The following IGSF21 variants were observed in gnomAD, a reference collection of about 807,000 sequenced individuals.
The protein encoded by IGSF21 is immunoglobin superfamily member 21, also known as immunoglobulin superfamily member 21.
IGSF21 carries 28 observed loss-of-function variants against 46.8 expected under a neutral mutation model. The observed-to-expected ratio is 0.60, with a 90% confidence interval of 0.44 to 0.82. The LOEUF is 0.82. Among genes scored for constraint, IGSF21 ranks in the 40% least tolerant of loss-of-function variants. The pLI, the probability that IGSF21 is intolerant of heterozygous loss-of-function variation, is 0.00. For synonymous variants in IGSF21, 284 were observed against 273.6 expected, an observed-to-expected ratio of 1.04 and a Z score of -0.38; for missense variants, 624 against 665.5, an observed-to-expected ratio of 0.94 and a Z score of 0.69.
At chr1:18,299,230 G>A (rs1283190487) in intron 3 of IGSF21, among the ~76,000 whole-genome samples, 1 of 152,208 alleles carries the variant, frequency 6.6e-6, no homozygotes, top group African/African-American at 2.4e-5. Flanking sequence ...CACTCTATGG[G>A]CAGACAATGG....
intron 1 of IGSF21, among the ~76,000 whole-genome samples, chr1:18,159,356 C>T (rs890853978): frequency 1.6e-4 from 25 of 152,186 alleles, no homozygotes; most frequent in African/African-American, 5.8e-4. Flanking sequence ...CCCTTCACAG[C>T]TCCCTCTGCC....
intron 9 of IGSF21, among the ~76,000 whole-genome samples, chr1:18,378,048 C>T (rs1264863110): frequency 1.3e-5 from 2 of 152,200 alleles, no homozygotes; most frequent in African/African-American, 4.8e-5. Context: ...TCCTCATGGC[C>T]TCTAGGAAAT....
chr1:18,120,170 C>T (rs1247468925), intron 1 of IGSF21, among the ~76,000 whole-genome samples: 5 of 152,202 alleles, frequency 3.3e-5, no homozygotes, highest in South Asian at 4.1e-4. Context: ...TCTGGAAAAC[C>T]GCAGGGGATG....
At chr1:18,254,986 G>A (rs2084877096) in intron 2 of IGSF21, among the ~76,000 whole-genome samples, 1 of 152,182 alleles carries the variant, frequency 6.6e-6, no homozygotes, top group African/African-American at 2.4e-5. Flanking sequence ...GAGAATGAAG[G>A]GGTTAGTTCA....
At position 18,362,218 on chromosome 1, in the gene IGSF21, A is replaced by T; in HGVS notation, c.528A>T (p.Lys176Asn). 6.2e-7 allele frequency: 1 copy of T among 1,611,552 alleles called. No homozygotes were observed. The highest frequency in any genetic ancestry group is 1.1e-5 in the South Asian group (1 of 90,222). The change falls in exon 5 of 10, where the codon AAA (lysine) becomes AAT (asparagine). Residue 176 changes from lysine to asparagine, a missense_variant. Physicochemically the swap from Lys to Asn is moderately conservative, Grantham distance 94. Transcript: ENST00000251296. ...FTLVCIVSGG[K>N]PAPMVYFKRD... ...TGGTCTGCATCGTGTCTGGAGGAAAACCAGCACCCATGGTGAGTACCCCTG... is the reference window on the plus strand; with the variant it reads ...TGGTCTGCATCGTGTCTGGAGGAAATCCAGCACCCATGGTGAGTACCCCTG...
intron 4 of IGSF21, among the ~76,000 whole-genome samples, chr1:18,354,228 C>T (rs1274745458): frequency 6.6e-6 from 1 of 152,090 alleles, no homozygotes; most frequent in Non-Finnish European, 1.5e-5. Flanking sequence ...TAGCAGAAGG[C>T]CCAGTGTGTG....
At chr1:18,252,419 G>A (rs1323090999) in intron 2 of IGSF21, among the ~76,000 whole-genome samples, 1 of 152,190 alleles carries the variant, frequency 6.6e-6, no homozygotes, top group Non-Finnish European at 1.5e-5. Flanking sequence ...AGATGTTCAA[G>A]TCTTCCTTCT....
intron 2 of IGSF21, among the ~76,000 whole-genome samples, chr1:18,284,371 G>T (rs562068746): frequency 1.3e-5 from 2 of 152,150 alleles, no homozygotes; most frequent in Non-Finnish European, 2.9e-5. Context: ...CCCATGCTAG[G>T]CTCCTGGGAT....
At chr1:18,345,310 G>A (rs2085881706) in intron 4 of IGSF21, among the ~76,000 whole-genome samples, 1 of 152,160 alleles carries the variant, frequency 6.6e-6, no homozygotes, top group Admixed American at 6.5e-5. Context: ...TAAGGGTATG[G>A]GCTTTGGATT....
chr1:18,129,981 C>T (rs1858586), intron 1 of IGSF21, among the ~76,000 whole-genome samples: 1 of 152,092 alleles, frequency 6.6e-6, no homozygotes, highest in African/African-American at 2.4e-5. Context: ...GGGCCAATAC[C>T]TTTCTGTTCA....
intron 2 of IGSF21, among the ~76,000 whole-genome samples, chr1:18,231,193 C>T (rs1476290875): frequency 6.6e-6 from 1 of 152,218 alleles, no homozygotes; most frequent in Non-Finnish European, 1.5e-5. Flanking sequence ...TCAAGCCCAG[C>T]AGCCTCCCCT....
chr1:18,307,679 G>A (rs1473991917), intron 3 of IGSF21, among the ~76,000 whole-genome samples: 3 of 152,212 alleles, frequency 2.0e-5, no homozygotes, highest in Non-Finnish European at 4.4e-5. Context: ...CCTTGGCCAC[G>A]TGCGGGCAGA....
At chr1:18,315,957 A>G (rs1353013651) in intron 3 of IGSF21, among the ~76,000 whole-genome samples, 1 of 152,160 alleles carries the variant, frequency 6.6e-6, no homozygotes, top group Non-Finnish European at 1.5e-5. Context: ...AGAAGCCTCC[A>G]GCATATGCTT....
Position 18,334,883 on chromosome 1 carries a change from C to T in IGSF21, c.306-9C>T, listed in dbSNP as rs370232396. The stretch of plus-strand genomic sequence containing the variant: ...GAAGGGCCCTCACCCTGTCTTCTGC[C>T]TCCCCCAGGCTGCCCGAGGTCCGGA... On this transcript the variant is annotated splice_polypyrimidine_tract_variant and intron_variant, in intron 3 of 9. Coordinates refer to ENST00000251296, the MANE Select transcript of IGSF21 (RefSeq NM_032880.5). The surrounding 1 kb of genome is among the most constrained non-coding windows in gnomAD (Gnocchi z 4.3). The T allele has an allele frequency of 6.2e-7, 1 of 1,610,156 alleles. No homozygotes were observed. Among genetic ancestry groups the T allele is most frequent in the Non-Finnish European group, 8.5e-7 (1 of 1,176,600 alleles).
At position 18,342,507 on chromosome 1, in the gene IGSF21, A is replaced by G. The variant is rs542844574; in HGVS notation, c.424+7497A>G. 1.1e-4 allele frequency among the ~76,000 whole-genome samples: 17 copies of G among 152,328 alleles called. No homozygotes were observed. The South Asian group carries it at 3.5e-3, about 32-fold the overall frequency. ...ACCATATTCACAGAGTTGTGCCTCT[A>G]CCACCACAATCAATTTTAGAACATT... is the stretch of plus-strand genomic sequence containing the variant. On this transcript the variant is annotated intron_variant, in intron 4 of 9. Coordinates refer to ENST00000251296, the MANE Select transcript of IGSF21 (RefSeq NM_032880.5).
At chr1:18,174,563 G>A (rs1327575442) in intron 1 of IGSF21, among the ~76,000 whole-genome samples, 1 of 152,118 alleles carries the variant, frequency 6.6e-6, no homozygotes, top group East Asian at 1.9e-4. Context: ...CCCCTCGCTC[G>A]CTCTTGTCAC....
At chr1:18,359,076 C>A (rs2086055075) in intron 4 of IGSF21, among the ~76,000 whole-genome samples, 1 of 151,856 alleles carries the variant, frequency 6.6e-6, no homozygotes, top group Admixed American at 6.6e-5. Context: ...CCAGCTTGGA[C>A]AATATAGCAA....
intron 2 of IGSF21, among the ~76,000 whole-genome samples, chr1:18,262,869 C>G (rs777708310): frequency 6.6e-6 from 1 of 152,220 alleles, no homozygotes; most frequent in African/African-American, 2.4e-5. Context: ...TGAGGCAAGT[C>G]TGCATTTCCA....
intron 2 of IGSF21, among the ~76,000 whole-genome samples, chr1:18,283,924 GTCTTCTAAGTACCAGAC>G (rs1237316177): frequency 6.6e-6 from 1 of 152,124 alleles, no homozygotes; most frequent in African/African-American, 2.4e-5. Context: ...TTGAAAAGGA[GTCTTCTAAGTACCAGAC>G]TCCGTTCTAT....
Sources: gnomAD v4.1 joint callset for allele counts (sites outside exome capture counted in the v4.1 genomes callset) on GRCh38, gnomAD v4.1.1 for gene constraint, Gnocchi (gnomAD v3.1) non-coding constraint, MANE v1.5 for transcripts, NCBI Gene and HGNC (gene_info 2026-07-23, HGNC 2026-07-21) for gene names.